The following HMGB1 variants were observed in gnomAD, a reference collection of about 807,000 sequenced individuals.
The protein encoded by HMGB1 is high mobility group box 1, also known as high mobility group protein B1.
For synonymous variants in HMGB1, 81 were observed against 84.0 expected (o/e 0.96, Z 0.19); for missense variants, 79 against 253.5 (o/e 0.31, Z 4.67).
chr13:30,570,315 TA>T (rs1394973718), intron 1 of HMGB1, among the ~76,000 whole-genome samples: 1 of 152,154 alleles, frequency 6.6e-6, no homozygotes, highest in Non-Finnish European at 1.5e-5. Flanking sequence ...AAGAAAGTAA[TA>T]ATGATTCAAG....
rs116681577 is a variant in HMGB1 at position 30,561,575 on chromosome 13, A to G, written c.-15+55096T>C. ...CTGTTGCGAGAAAAAAAGTCAGTGA[A>G]GTAGTAGGAACGATGACAGATGACA... On this transcript the variant is annotated intron_variant, in intron 1 of 4. Coordinates refer to the HMGB1 transcript ENST00000405805. Among the ~76,000 whole-genome samples, 793 of 152,270 alleles carry G rather than the reference A, an allele frequency of 5.2e-3. 7 individuals are homozygous for G. Among genetic ancestry groups the G allele is most frequent in the African/African-American group, 0.018 (759 of 41,540 alleles).
intron 1 of HMGB1, among the ~76,000 whole-genome samples, chr13:30,579,957 T>A (rs920017455): frequency 1.3e-5 from 2 of 152,186 alleles, no homozygotes; most frequent in Admixed American, 6.5e-5. Flanking sequence ...GGTACAATAA[T>A]GAAGTCGCTC....
chr13:30,465,391 GCCGCCGCCGAGCCGCGCCGGCC>G (rs1413905360), intron 1 of HMGB1: 76 of 140,222 alleles, frequency 5.4e-4, no homozygotes, highest in African/African-American at 1.9e-3. Context: ...CCCTCCCGCC[GCCGCCGCCGAGCCGCGCCGGCC>G]CCGCCGCCCC....
chr13:30,468,593 A>C (rs566837431), upstream of HMGB1, among the ~76,000 whole-genome samples: 8 of 152,210 alleles, frequency 5.3e-5, no homozygotes, highest in East Asian at 1.5e-3. Flanking sequence ...AAACAATGCT[A>C]ATCTTCCCCT....
At chr13:30,564,322 T>C (rs1454849193) in intron 1 of HMGB1, among the ~76,000 whole-genome samples, 1 of 150,520 alleles carries the variant, frequency 6.6e-6, no homozygotes, top group African/African-American at 2.4e-5. Flanking sequence ...TTTTGGTGGC[T>C]TATGCCTGCA....
rs1296656936 is a variant in HMGB1, at chr13:30,460,123, TTTGTA to T, written c.*1229_*1233del. ...AAACATGACTAATGAATGAGTTTGT[TTTGTA>T]AAGAAAAATCATTCAAATAAATTGA... is the stretch of plus-strand genomic sequence containing the variant. On this transcript the variant is annotated 3_prime_UTR_variant, in exon 5 of 5. Transcript: ENST00000341423. 6.6e-6 allele frequency: 1 copy of T among 152,604 alleles called. No individual in the cohort carries two copies. The highest frequency in any genetic ancestry group is 2.4e-5 in the African/African-American group (1 of 41,428). The allele number at this position is 152,604 out of a possible 1,614,324, so 9.5% of individuals were successfully genotyped here.
chr13:30,581,583 G>A (rs556998273), intron 1 of HMGB1, among the ~76,000 whole-genome samples: 1 of 152,194 alleles, frequency 6.6e-6, no homozygotes, highest in Non-Finnish European at 1.5e-5. Context: ...TCCTTGGAGT[G>A]TACAAGTATT....
chr13:30,550,067 T>C (rs1400778465), intron 1 of HMGB1, among the ~76,000 whole-genome samples: 1 of 152,180 alleles, frequency 6.6e-6, no homozygotes, highest in East Asian at 1.9e-4. Context: ...TATAAATTAA[T>C]ATTCAAACTC....
At chr13:30,603,355 T>C (rs958911895) in intron 1 of HMGB1, among the ~76,000 whole-genome samples, 6 of 152,158 alleles carry the variant, frequency 3.9e-5, no homozygotes, top group African/African-American at 1.4e-4. Context: ...AAGGAGGCAG[T>C]TCAAAACTGA....
At chr13:30,472,727 G>C (rs1886975076) in intron 1 of HMGB1, among the ~76,000 whole-genome samples, 1 of 152,116 alleles carries the variant, frequency 6.6e-6, no homozygotes, top group Non-Finnish European at 1.5e-5. Flanking sequence ...CAAGCTATAT[G>C]AATTCTCTTG....
In HMGB1 at chr13:30,608,686, T is replaced by C. The variant is rs946086707; in HGVS notation, c.-15+7985A>G. On this transcript the variant is annotated intron_variant, in intron 1 of 4. Coordinates refer to the HMGB1 transcript ENST00000405805. Reference sequence around the variant, plus strand: ...ACACAGTAAATGTAGTGGGACAAGCTCTATTCTTGTTGATAGAAAAACTCG... The same window carrying C: ...ACACAGTAAATGTAGTGGGACAAGCCCTATTCTTGTTGATAGAAAAACTCG... Among the ~76,000 whole-genome samples the C allele has an allele frequency of 3.9e-5, 6 of 152,354 alleles. No individual in the cohort carries two copies. The Middle Eastern group carries it at 0.01, about 259-fold the overall frequency.
At chr13:30,535,528 G>A (rs1360809346) in intron 1 of HMGB1, among the ~76,000 whole-genome samples, 1 of 152,162 alleles carries the variant, frequency 6.6e-6, no homozygotes, top group African/African-American at 2.4e-5. Context: ...AATTGCTTCA[G>A]CAGGAAAACT....
intron 1 of HMGB1, among the ~76,000 whole-genome samples, chr13:30,512,683 C>T (rs1888018159): frequency 2.0e-5 from 3 of 152,164 alleles, no homozygotes; most frequent in African/African-American, 7.2e-5. Flanking sequence ...GAAATGGAGC[C>T]GCTTCCACTC....
intron 1 of HMGB1, among the ~76,000 whole-genome samples, chr13:30,502,982 C>T (rs1348948696): frequency 2.6e-5 from 4 of 152,034 alleles, no homozygotes; most frequent in African/African-American, 9.7e-5. Flanking sequence ...AGTCTCCACA[C>T]TCTTAACAGA....
intron 1 of HMGB1, among the ~76,000 whole-genome samples, chr13:30,519,741 T>C (rs1255261465): frequency 6.6e-6 from 1 of 152,018 alleles, no homozygotes; most frequent in Non-Finnish European, 1.5e-5. Context: ...AGATGTCACA[T>C]TGAACTTAGA....
intron 1 of HMGB1, among the ~76,000 whole-genome samples, chr13:30,496,733 C>A (rs1327283699): frequency 2.6e-5 from 4 of 152,130 alleles, no homozygotes; most frequent in African/African-American, 9.7e-5. Flanking sequence ...CTTGTCCAGG[C>A]AAATTTTCTT....
At chr13:30,582,776 C>T (rs1870961592) in intron 1 of HMGB1, among the ~76,000 whole-genome samples, 1 of 152,152 alleles carries the variant, frequency 6.6e-6, no homozygotes, top group African/African-American at 2.4e-5. Context: ...AGGTATTTAA[C>T]AAATGTTTCT....
chr13:30,526,843 T>G (rs535085792), intron 1 of HMGB1, among the ~76,000 whole-genome samples: 5 of 152,258 alleles, frequency 3.3e-5, no homozygotes, highest in Non-Finnish European at 5.9e-5. Flanking sequence ...TTTCTCTTGC[T>G]GTTATCCACA....
chr13:30,552,452 T>C (rs1346876151), intron 1 of HMGB1, among the ~76,000 whole-genome samples: 1 of 152,198 alleles, frequency 6.6e-6, no homozygotes, highest in East Asian at 1.9e-4. Flanking sequence ...CTGACTTCTA[T>C]TTATCTTTCA....
Sources: allele counts gnomAD v4.1 joint callset (sites outside exome capture counted in the v4.1 genomes callset), GRCh38; gene constraint gnomAD v4.1.1; transcripts MANE v1.5; gene names NCBI Gene and HGNC (gene_info 2026-07-23, HGNC 2026-07-21).